Variants in KIF15 observed in about 807,000 individuals in gnomAD.
KIF15 encodes the protein kinesin-like protein KIF15.
A neutral mutation model predicts 190.6 loss-of-function variants in KIF15; 140 were observed. The ratio of observed to expected loss-of-function variants is 0.73; its 90% CI spans 0.64 to 0.84. KIF15 has a LOEUF of 0.84. KIF15 is among the 40% of genes least tolerant of loss of function. KIF15 has a pLI of 0.00. For synonymous variants in KIF15, 528 were observed against 551.3 expected (o/e 0.96, Z 0.59); for missense variants, 1,372 against 1,584.4 (o/e 0.87, Z 2.28).
chr3:44,784,660 T>G (rs1042664960), intron 5 of KIF15, among the ~76,000 whole-genome samples, 185 bp from the exon 6 acceptor site: 3 of 152,212 alleles, frequency 2.0e-5, no homozygotes, highest in African/African-American at 7.2e-5. Flanking sequence ...TTGATATTCC[T>G]GCAGATTTTG....
In KIF15 at chr3:44,861,515, G is replaced by A. The variant is rs182275826; in HGVS notation, c.*59+8721G>A. Among the ~76,000 whole-genome samples, 118 of 152,318 alleles carry A rather than the reference G, an allele frequency of 7.7e-4. 1 individual carries two copies. Among genetic ancestry groups the A allele is most frequent in the African/African-American group, 2.7e-3 (113 of 41,576 alleles). ...TGGTCCGGCGGTCCTCAGGCTGGAG[G>A]GTGGAGCGGAGAAGCCTGGTCGACG... On this transcript the variant is annotated intron_variant and NMD_transcript_variant, in intron 6 of 6. Transcript: ENST00000422209.
At chr3:44,855,709 G>A (rs186570925), downstream of KIF15, among the ~76,000 whole-genome samples, 217 of 152,166 alleles carry the variant, frequency 1.4e-3, 1 homozygote, top group Admixed American at 1.8e-3. Context: ...AGGATTTGTC[G>A]TATAGAATTA....
intron 30 of KIF15, among the ~76,000 whole-genome samples, chr3:44,847,643 T>C (rs1486887501): frequency 6.6e-6 from 1 of 152,230 alleles, no homozygotes; most frequent in Non-Finnish European, 1.5e-5. Context: ...TGGCTCTTTC[T>C]TTCAGCCCCC....
Position 44,852,870 on chromosome 3 carries a change from A to G in KIF15, c.*135A>G. The G allele has an allele frequency of 1.6e-6, 1 of 619,372 alleles. No homozygotes were observed. Among genetic ancestry groups the G allele is most frequent in the East Asian group, 3.1e-5 (1 of 32,050 alleles). The allele number at this position is 619,372 out of a possible 1,614,324, so 38.4% of individuals were successfully genotyped here. Reference sequence around the variant, plus strand: ...TATTAAATGTTTATAAGGTGGTGGTAACCACCTCAAGTTTCTGATGAACAT... The same window carrying G: ...TATTAAATGTTTATAAGGTGGTGGTGACCACCTCAAGTTTCTGATGAACAT... On this transcript the variant is annotated 3_prime_UTR_variant, in exon 35 of 35. Coordinates refer to ENST00000326047, the MANE Select transcript of KIF15 (RefSeq NM_020242.3).
chr3:44,849,006 A>G lies in KIF15; in HGVS notation c.3806+448A>G, dbSNP rs561388026. On this transcript the variant is annotated intron_variant, in intron 32 of 34. Coordinates refer to ENST00000326047, the MANE Select transcript of KIF15 (RefSeq NM_020242.3). ...ATTCATAAAGTTTTCATATTAATTC[A>G]TGTAGCCTTATAAATGGCCTCACTC... 4.6e-3 allele frequency among the ~76,000 whole-genome samples: 706 copies of G among 152,332 alleles called. 7 individuals are homozygous for G. Among genetic ancestry groups the G allele is most frequent in the Non-Finnish European group, 7.6e-3 (515 of 68,028 alleles).
chr3:44,826,473 T>C lies in KIF15; in HGVS notation c.2786+13T>C, dbSNP rs1472923350. 6.5e-7 allele frequency: 1 copy of C among 1,529,138 alleles called. No individual in the cohort carries two copies. Among genetic ancestry groups the C allele is most frequent in the Non-Finnish European group, 9.0e-7 (1 of 1,110,110 alleles). 94.7% of individuals were successfully genotyped at this position (1,529,138 alleles called of 1,614,324 possible). On this transcript the variant is annotated intron_variant, in intron 22 of 34. Coordinates refer to ENST00000326047, the MANE Select transcript of KIF15 (RefSeq NM_020242.3). ...AAAACAGTTCTAAGTGAGTGCTATT[T>C]ATTTTTTCTACTAGCATACTAGAAT...
intron 20 of KIF15, among the ~76,000 whole-genome samples, 182 bp from the exon 21 acceptor site, chr3:44,825,857 G>A (rs1206743257): frequency 6.6e-6 from 1 of 152,154 alleles, no homozygotes; most frequent in Non-Finnish European, 1.5e-5. Flanking sequence ...ATGGTCCAGT[G>A]TGTCTCACAT....
At chr3:44,792,153 A>G (rs945019158) in intron 7 of KIF15, among the ~76,000 whole-genome samples, 2 of 152,174 alleles carry the variant, frequency 1.3e-5, no homozygotes, top group Non-Finnish European at 2.9e-5. Context: ...TTATAAAAAG[A>G]AAGCATAAAG....
intron 6 of KIF15, among the ~76,000 whole-genome samples, chr3:44,860,741 A>C (rs1008758563): frequency 1.3e-5 from 2 of 152,238 alleles, no homozygotes; most frequent in Non-Finnish European, 2.9e-5. Context: ...AAGGACTTCC[A>C]TAAAAACTTG....
rs567635036 is a variant in KIF15, at chr3:44,852,834, T to C, written c.*99T>C. 1.1e-3 allele frequency: 955 copies of C among 882,118 alleles called. 2 individuals carry two copies. Among genetic ancestry groups the C allele is most frequent in the Non-Finnish European group, 1.4e-3 (813 of 572,184 alleles). 54.6% of individuals were successfully genotyped at this position (882,118 alleles called of 1,614,324 possible). On this transcript the variant is annotated 3_prime_UTR_variant, in exon 35 of 35. Transcript: ENST00000326047. The stretch of plus-strand genomic sequence containing the variant: ...TGGCCACTTAGGAGAGCTGAATTTA[T>C]GGACCTTAATTATTAAATGTTTATA...
chr3:44,860,496 A>C (rs1017319895), intron 6 of KIF15, among the ~76,000 whole-genome samples: 1 of 152,138 alleles, frequency 6.6e-6, no homozygotes, highest in Non-Finnish European at 1.5e-5. Flanking sequence ...CAGCTTCCCA[A>C]GTAGCTGGGA....
At chr3:44,865,035 C>T (rs199934356) in intron 6 of KIF15, 33 of 1,613,976 alleles carry the variant, frequency 2.0e-5, no homozygotes, top group East Asian at 6.7e-5. Flanking sequence ...ATCTTTGTCT[C>T]GCAGGCCTTC....
At chr3:44,788,343 C>T (rs576988072) in intron 7 of KIF15, among the ~76,000 whole-genome samples, 98 of 152,216 alleles carry the variant, frequency 6.4e-4, no homozygotes, top group Admixed American at 1.9e-3. Flanking sequence ...CATGTTAACA[C>T]GATAAAGTAC....
intron 8 of KIF15, 95 bp from the exon 9 acceptor site, chr3:44,797,456 A>G: frequency 9.1e-6 from 12 of 1,316,090 alleles, no homozygotes; most frequent in Non-Finnish European, 1.2e-5. Flanking sequence ...TTGCCTTTTC[A>G]TCCAGAATTT....
At chr3:44,781,705 G>A (rs896811743) in intron 5 of KIF15, among the ~76,000 whole-genome samples, 1 of 152,100 alleles carries the variant, frequency 6.6e-6, no homozygotes, top group Admixed American at 6.6e-5. Context: ...ACTTGAAATT[G>A]TCAATTTAAA....
chr3:44,826,526 G>GT (rs200584693), intron 22 of KIF15, 66 bp downstream of exon 22: 85,070 of 827,098 alleles, frequency 0.1, 82 homozygotes, highest in South Asian at 0.14. Flanking sequence ...TCTTAATCTT[G>GT]TTTTTTTTTT....
chr3:44,803,139 G>A, intron 14 of KIF15, 148 bp downstream of exon 14: 1 of 551,486 alleles, frequency 1.8e-6, no homozygotes, highest in Non-Finnish European at 2.9e-6. Flanking sequence ...ATTATAGAAA[G>A]GTATTTACTA....
Position 44,805,994 on chromosome 3 carries a change from ATCTGAACAATACC to A in KIF15, c.1971+11_1971+23del. On this transcript the variant is annotated intron_variant, in intron 16 of 34. Transcript: ENST00000326047. ...CATGCTGAAACACTTAAGGTAGGTC[ATCTGAACAATACC>A]TCCACCTTAAATCAGTGCAATGTCA... The A allele has an allele frequency of 6.2e-7, 1 of 1,612,426 alleles. No homozygotes were observed. Among genetic ancestry groups the A allele is most frequent in the Admixed American group, 1.7e-5 (1 of 59,610 alleles).
rs764209291 is a variant in KIF15 at position 44,848,041 on chromosome 3, A to C, written c.3752A>C (p.Lys1251Thr). 6.2e-7 allele frequency: 1 copy of C among 1,608,836 alleles called. No homozygotes were observed. Among genetic ancestry groups the C allele is most frequent in the Admixed American group, 1.7e-5 (1 of 59,742 alleles). Residue 1251 changes from lysine to threonine, a missense_variant, in exon 31 of 35, where the codon AAA becomes ACA. By Grantham distance (78) the Lys-to-Thr change is moderately conservative (BLOSUM62 -1). Coordinates refer to ENST00000326047, the MANE Select transcript of KIF15 (RefSeq NM_020242.3). The part of the protein sequence containing the change: ...QLKNEQEESI[K>T]ERLAKSKIVE... ...AAGAATGAACAAGAAGAAAGTATCA[A>C]AGAAAGACTTGCAAAAGTAAGATTT...
Sources: allele counts gnomAD v4.1 joint callset (sites outside exome capture counted in the v4.1 genomes callset), GRCh38; gene constraint gnomAD v4.1.1; transcripts MANE v1.5; gene names NCBI Gene and HGNC (gene_info 2026-07-23, HGNC 2026-07-21).